The following HIKESHI variants were observed in gnomAD, a reference collection of about 807,000 sequenced individuals.
HIKESHI encodes the protein heat shock protein nuclear import factor hikeshi.
HIKESHI carries 13 observed loss-of-function variants against 25.7 expected under a neutral mutation model. The ratio of observed to expected loss-of-function variants is 0.51; its 90% CI spans 0.33 to 0.80. The LOEUF (loss-of-function observed/expected upper bound fraction) is 0.80, where lower values mean the gene tolerates loss of function less well. Among genes scored for constraint, HIKESHI ranks in the 30% least tolerant of loss-of-function variants. The pLI is 0.02. For synonymous variants in HIKESHI, 76 were observed against 78.7 expected (o/e 0.97, Z 0.18); for missense variants, 174 against 229.5 (o/e 0.76, Z 1.56).
chr11:86,320,134 A>G (rs759258751), intron 2 of HIKESHI, among the ~76,000 whole-genome samples: 71 of 152,272 alleles, frequency 4.7e-4, no homozygotes, highest in Admixed American at 7.9e-4. Flanking sequence ...TTAAAGAATT[A>G]TGAAATCATG....
intron 3 of HIKESHI, among the ~76,000 whole-genome samples, chr11:86,340,757 GTC>G (rs1947703772): frequency 6.6e-6 from 1 of 152,130 alleles, no homozygotes; most frequent in South Asian, 2.1e-4. Context: ...CAATTCTCCT[GTC>G]TCAGCCTCCC....
At chr11:86,306,188 T>G in intron 1 of HIKESHI, 57 bp from the exon 2 acceptor site, 1 of 1,118,272 alleles carries the variant, frequency 8.9e-7, no homozygotes, top group Non-Finnish European at 1.3e-6. Context: ...ATGATACTGT[T>G]AAGAGTTACA....
chr11:86,313,864 A>G (rs781143957), intron 2 of HIKESHI, among the ~76,000 whole-genome samples: 4 of 152,214 alleles, frequency 2.6e-5, no homozygotes, highest in South Asian at 4.1e-4. Context: ...TGTCAGGCCT[A>G]TGAGAGATCT....
intron 2 of HIKESHI, among the ~76,000 whole-genome samples, chr11:86,337,033 T>G (rs79191322): frequency 2.8e-3 from 433 of 152,136 alleles, no homozygotes; most frequent in African/African-American, 0.01. Context: ...AAACAAAAAC[T>G]AAGTCATTGC....
At chr11:86,322,403 ATGTG>A (rs527336471) in intron 2 of HIKESHI, among the ~76,000 whole-genome samples, 1 of 151,706 alleles carries the variant, frequency 6.6e-6, no homozygotes, top group African/African-American at 2.4e-5. Context: ...AGAGTTCTAT[ATGTG>A]TGTGTGTGTA....
intron 1 of HIKESHI, among the ~76,000 whole-genome samples, chr11:86,304,395 A>G (rs926975358): frequency 6.6e-6 from 1 of 152,188 alleles, no homozygotes; most frequent in Admixed American, 6.5e-5. Flanking sequence ...ACCAACAAAA[A>G]TCACAAAAAT....
intron 3 of HIKESHI, 185 bp from the exon 4 acceptor site, chr11:86,344,418 T>C: frequency 2.2e-6 from 1 of 446,138 alleles, no homozygotes; most frequent in Non-Finnish European, 4.0e-6. Context: ...TTCTCCTGCC[T>C]CAGCCTCCCA....
At chr11:86,306,168 T>C (rs1344312536) in intron 1 of HIKESHI, 77 bp from the exon 2 acceptor site, 4 of 926,886 alleles carry the variant, frequency 4.3e-6, no homozygotes, top group East Asian at 2.4e-5. Flanking sequence ...GCTGGTAATA[T>C]AACTTATAAA....
chr11:86,337,572 G>T, intron 3 of HIKESHI, 42 bp downstream of exon 3: 1 of 1,575,602 alleles, frequency 6.3e-7, no homozygotes, highest in Non-Finnish European at 8.6e-7. Flanking sequence ...CCCCTCCACT[G>T]CTTTATTAAG....
intron 2 of HIKESHI, among the ~76,000 whole-genome samples, chr11:86,333,775 T>C (rs1048968626): frequency 6.6e-6 from 1 of 151,742 alleles, no homozygotes; most frequent in Non-Finnish European, 1.5e-5. Context: ...GAAATAGGTA[T>C]AGGAATGAAA....
intron 2 of HIKESHI, among the ~76,000 whole-genome samples, chr11:86,323,803 A>G (rs2138359525): frequency 6.6e-6 from 1 of 152,326 alleles, no homozygotes; most frequent in African/African-American, 2.4e-5. Context: ...TCAATAAAAA[A>G]TGAGTTAATC....
chr11:86,304,512 CTTTTT>C, intron 1 of HIKESHI, among the ~76,000 whole-genome samples: 1 of 112,544 alleles, frequency 8.9e-6, no homozygotes, highest in Non-Finnish European at 1.8e-5. Context: ...GCACAACTCA[CTTTTT>C]TTTTTTTTTT....
At chr11:86,321,590 C>A (rs1350477752) in intron 2 of HIKESHI, among the ~76,000 whole-genome samples, 1 of 151,088 alleles carries the variant, frequency 6.6e-6, no homozygotes, top group African/African-American at 2.4e-5. Context: ...AGTGCAGTGG[C>A]ATGATCTCGA....
rs1416481982 is a variant in HIKESHI at position 86,335,261 on chromosome 11, T to C, written c.269-2118T>C. Among the ~76,000 whole-genome samples, 3 of 152,228 alleles carry C rather than the reference T, an allele frequency of 2.0e-5. No individual in the cohort carries two copies. In the East Asian group the frequency reaches 5.8e-4, roughly 29 times the overall value. ...ATGTCACCTAACTTGGAACTCTTCA[T>C]GGAAAAGTATCTACCTTGGGGGTGT... is the stretch of plus-strand genomic sequence containing the variant. On this transcript the variant is annotated intron_variant, in intron 2 of 4. Transcript: ENST00000278483.
intron 2 of HIKESHI, among the ~76,000 whole-genome samples, chr11:86,311,825 G>C (rs1409693284): frequency 6.6e-6 from 1 of 152,166 alleles, no homozygotes; most frequent in Non-Finnish European, 1.5e-5. Context: ...GTACCCAGTA[G>C]TCGTTCAGGA....
intron 2 of HIKESHI, among the ~76,000 whole-genome samples, chr11:86,336,576 TTCCCAACC>T (rs1947566970): frequency 6.6e-6 from 1 of 152,162 alleles, no homozygotes; most frequent in Non-Finnish European, 1.5e-5. Flanking sequence ...GATCTTGGAC[TTCCCAACC>T]TCCAGAACTG....
At chr11:86,314,627 A>G (rs974233195) in intron 2 of HIKESHI, among the ~76,000 whole-genome samples, 2 of 151,962 alleles carry the variant, frequency 1.3e-5, no homozygotes, top group Non-Finnish European at 2.9e-5. Context: ...TCTCAAAAGG[A>G]AAAAAAAGAA....
At chr11:86,336,019 T>A (rs750528663) in intron 2 of HIKESHI, among the ~76,000 whole-genome samples, 2 of 152,140 alleles carry the variant, frequency 1.3e-5, no homozygotes, top group Non-Finnish European at 2.9e-5. Flanking sequence ...AGAAGAATGA[T>A]ACATCATCAA....
At chr11:86,342,947 A>G (rs1025652827) in intron 3 of HIKESHI, among the ~76,000 whole-genome samples, 1 of 152,142 alleles carries the variant, frequency 6.6e-6, no homozygotes, top group African/African-American at 2.4e-5. Flanking sequence ...AAATAGTATT[A>G]GCTTGTCAAG....
Sources: gnomAD v4.1 joint callset for allele counts (sites outside exome capture counted in the v4.1 genomes callset) on GRCh38, gnomAD v4.1.1 for gene constraint, MANE v1.5 for transcripts, NCBI Gene and HGNC (gene_info 2026-07-23, HGNC 2026-07-21) for gene names.